KMT2C: variants seen among roughly 807,000 people sequenced by gnomAD.
KMT2C encodes histone-lysine N-methyltransferase 2C.
In KMT2C, 88 loss-of-function variants were observed where a neutral mutation model predicts 507.9. That is an observed-to-expected ratio of 0.17 (90% CI 0.15 to 0.21). The LOEUF (loss-of-function observed/expected upper bound fraction) is 0.21, where lower values mean the gene tolerates loss of function less well. Among genes scored for constraint, KMT2C ranks in the 10% least tolerant of loss-of-function variants. The pLI is 1.00. For synonymous variants in KMT2C, 2,049 were observed against 2,080.8 expected, an observed-to-expected ratio of 0.98 and a Z score of 0.42; for missense variants, 4,954 against 5,957.8, an observed-to-expected ratio of 0.83 and a Z score of 5.55.
chr7:152,315,887 TG>T (rs2096718555), intron 3 of KMT2C, among the ~76,000 whole-genome samples: 1 of 152,106 alleles, frequency 6.6e-6, no homozygotes, highest in South Asian at 2.1e-4. Flanking sequence ...CACTCCAGCC[TG>T]GGTGACAGAG....
chr7:152,277,742 T>C (rs2096111031), intron 6 of KMT2C, among the ~76,000 whole-genome samples: 3 of 152,132 alleles, frequency 2.0e-5, no homozygotes, highest in Non-Finnish European at 4.4e-5. Context: ...CAGTTCTCAT[T>C]ATCAATACTG....
rs4024346 is a variant in KMT2C, at chr7:152,220,639, C to T, written c.3596G>A (p.Arg1199Gln). 1.4e-5 allele frequency: 22 copies of T among 1,611,786 alleles called. No individual in the cohort carries two copies. In the South Asian group the frequency reaches 1.5e-4, roughly 11 times the overall value. ...CTTCAATTTCAATTTTGGTTTTGAC[C>T]GTTTTCTTCTTGGAACTGTAACTGT... Reference protein sequence around the residue: ...SLTVTVPRRKRSKPKLKLKII... With the variant: ...SLTVTVPRRKQSKPKLKLKII... Residue 1199 changes from arginine (R) to glutamine (Q), a missense_variant, in exon 23 of 59, where the codon CGG (arginine) becomes CAG (glutamine). This residue lies in a region of KMT2C where 176 missense variants were observed against 262.0 expected (regional missense o/e 0.67). Transcript: ENST00000262189.
intron 16 of KMT2C, among the ~76,000 whole-genome samples, chr7:152,231,091 T>C (rs933653072): frequency 3.9e-5 from 6 of 152,318 alleles, no homozygotes; most frequent in African/African-American, 1.4e-4. Context: ...CTTTTTAATG[T>C]GGTTACTAGG....
Position 152,181,864 on chromosome 7 carries a change from A to G in KMT2C, c.5996T>C (p.Ile1999Thr). 6.2e-7 allele frequency: 1 copy of G among 1,614,076 alleles called. No homozygotes were observed. Residue 1999 changes from isoleucine to threonine, a missense_variant, in exon 36 of 59, where the codon ATA (isoleucine) becomes ACA (threonine). Coordinates refer to ENST00000262189, the MANE Select transcript of KMT2C (RefSeq NM_170606.3). Reference protein sequence around the residue: ...VVSEQTAKGPIAAGTSDHFTK... With the variant: ...VVSEQTAKGPTAAGTSDHFTK... ...AAAGTGATCACTGGTTCCAGCTGCTATAGGGCCTTTTGCAGTTTGTTCTGA... is the reference window on the plus strand; with the variant it reads ...AAAGTGATCACTGGTTCCAGCTGCTGTAGGGCCTTTTGCAGTTTGTTCTGA...
At chr7:152,375,173 G>C (rs1349723195) in intron 1 of KMT2C, among the ~76,000 whole-genome samples, 26 of 152,172 alleles carry the variant, frequency 1.7e-4, no homozygotes, top group Admixed American at 1.7e-3. Context: ...CTCATGAGTA[G>C]CTGAGACTAC....
chr7:152,181,019 G>A lies in KMT2C; in HGVS notation c.6841C>T (p.Pro2281Ser), dbSNP rs1488391618. Reference protein sequence around the residue: ...TCSQTPRPPGPGLSDTFSRVS... With the variant: ...TCSQTPRPPGSGLSDTFSRVS... ...CGGCTAAATGTGTCTGAAAGACCAG[G>A]TCCAGGGGGCCTAGGTGTCTGGGAA... Residue 2281 changes from proline to serine, a missense_variant, in exon 36 of 59, where the codon CCT (proline) becomes TCT (serine). Physicochemically the swap from Pro to Ser is moderately conservative, Grantham distance 74 (BLOSUM62 -1). Around this residue, in one of 29 missense-constraint regions of KMT2C, gnomAD observed 1,689 missense variants for 1,654.3 expected, o/e 1.02. Transcript: ENST00000262189. The A allele has an allele frequency of 6.2e-7, 1 of 1,614,206 alleles. No homozygotes were observed. Among genetic ancestry groups the A allele is most frequent in the African/African-American group, 1.3e-5 (1 of 75,052 alleles).
At chr7:152,417,902 A>T (rs2097755089) in intron 1 of KMT2C, among the ~76,000 whole-genome samples, 3 of 148,748 alleles carry the variant, frequency 2.0e-5, no homozygotes, top group African/African-American at 7.5e-5. Flanking sequence ...TCGGCCTCCC[A>T]AAGTGCTGGG....
chr7:152,357,948 T>C (rs1412537901), intron 2 of KMT2C, among the ~76,000 whole-genome samples: 1 of 152,232 alleles, frequency 6.6e-6, no homozygotes, highest in Admixed American at 6.5e-5. Flanking sequence ...CTAAACTTTA[T>C]CTAACAACTA....
At chr7:152,345,245 A>C (rs1025125969) in intron 2 of KMT2C, among the ~76,000 whole-genome samples, 1 of 151,790 alleles carries the variant, frequency 6.6e-6, no homozygotes, top group Non-Finnish European at 1.5e-5. Flanking sequence ...CTCCAAAAAA[A>C]CTATTTTTTT....
chr7:152,293,107 A>G (rs1328679052), intron 6 of KMT2C, among the ~76,000 whole-genome samples: 4 of 138,062 alleles, frequency 2.9e-5, no homozygotes, highest in Admixed American at 1.4e-4. Context: ...ACATCATGAT[A>G]TATCACTGGG....
rs542669758 is a variant in KMT2C, at chr7:152,183,549, G to A, written c.5083-393C>T. The stretch of plus-strand genomic sequence containing the variant: ...GGCCAAGGCGGGTGGATCACCTGAC[G>A]TCAGGTGTTTGAGATCAGCCTGACC... On this transcript the variant is annotated intron_variant, in intron 34 of 58. Transcript: ENST00000262189. 1.0e-3 allele frequency among the ~76,000 whole-genome samples: 157 copies of A among 151,856 alleles called. 1 individual carries two copies. Among genetic ancestry groups the A allele is most frequent in the African/African-American group, 3.6e-3 (149 of 41,438 alleles).
intron 1 of KMT2C, among the ~76,000 whole-genome samples, chr7:152,422,710 G>A (rs183425562): frequency 6.6e-6 from 1 of 152,148 alleles, no homozygotes; most frequent in East Asian, 1.9e-4. Context: ...ATTCTAAGTA[G>A]CAAGGTACTC....
intron 2 of KMT2C, among the ~76,000 whole-genome samples, chr7:152,338,006 G>A (rs1261922113): frequency 6.6e-6 from 1 of 151,894 alleles, no homozygotes; most frequent in Non-Finnish European, 1.5e-5. Flanking sequence ...ACAGGCGCCC[G>A]GCACCACACC....
At chr7:152,172,545 A>T (rs1320467509) in intron 39 of KMT2C, among the ~76,000 whole-genome samples, 2 of 152,128 alleles carry the variant, frequency 1.3e-5, no homozygotes, top group Non-Finnish European at 2.9e-5. Context: ...AAAATACAAA[A>T]ATTAGCTGCG....
At position 152,394,454 on chromosome 7, in the gene KMT2C, C is replaced by A. The variant is rs111811388; in HGVS notation, c.162-35779G>T. On this transcript the variant is annotated intron_variant, in intron 1 of 58. Coordinates refer to ENST00000262189, the MANE Select transcript of KMT2C (RefSeq NM_170606.3). ...CATTCCTGCCTCTGGGGCTTTTGCACTCACTGTTCCCCGCATCAGCAATGC... is the reference window on the plus strand; with the variant it reads ...CATTCCTGCCTCTGGGGCTTTTGCAATCACTGTTCCCCGCATCAGCAATGC... 5.8e-5 allele frequency among the ~76,000 whole-genome samples: 8 copies of A among 138,636 alleles called. No homozygotes were observed. In the East Asian group the frequency reaches 1.5e-3, roughly 26 times the overall value. The allele number at this position is 138,636 out of a possible 152,430, so 91.0% of individuals were successfully genotyped here.
At chr7:152,264,338 T>C (rs564789278) in intron 8 of KMT2C, among the ~76,000 whole-genome samples, 15 of 152,212 alleles carry the variant, frequency 9.9e-5, no homozygotes, top group African/African-American at 3.4e-4. Context: ...ACTGGTAACA[T>C]CCCCAAATTA....
At chr7:152,136,969 G>A in intron 58 of KMT2C, 45 bp from the exon 59 acceptor site, 1 of 1,445,532 alleles carries the variant, frequency 6.9e-7, no homozygotes, top group Non-Finnish European at 9.7e-7. Flanking sequence ...AGCAAGGAAG[G>A]CAATAGCGTT....
chr7:152,208,223 A>G (rs1054716707), intron 23 of KMT2C, among the ~76,000 whole-genome samples: 13 of 152,182 alleles, frequency 8.5e-5, no homozygotes, highest in African/African-American at 3.1e-4. Flanking sequence ...TCTCTTGTAA[A>G]CTTTCCAGCT....
intron 9 of KMT2C, among the ~76,000 whole-genome samples, chr7:152,260,177 C>G (rs2095744612): frequency 6.6e-6 from 1 of 152,192 alleles, no homozygotes; most frequent in South Asian, 2.1e-4. Context: ...ACAGCATAAG[C>G]TTTGAACCAC....
Sources: gnomAD v4.1 joint callset for allele counts (sites outside exome capture counted in the v4.1 genomes callset) on GRCh38, gnomAD v4.1.1 for gene constraint, gnomAD v4.1.1 regional missense constraint, MANE v1.5 for transcripts, NCBI Gene and HGNC (gene_info 2026-07-23, HGNC 2026-07-21) for gene names.